The following TMEM175 variants were observed in gnomAD, a reference collection of about 807,000 sequenced individuals.
TMEM175 encodes the protein transmembrane protein 175.
A neutral mutation model predicts 36.5 loss-of-function variants in TMEM175; 36 were observed. The ratio of observed to expected loss-of-function variants is 0.99; its 90% CI spans 0.76 to 1.30. TMEM175 has a LOEUF of 1.30. Among genes scored for constraint, TMEM175 ranks in the 50% most tolerant of loss-of-function variants. TMEM175 has a pLI of 0.00. For synonymous variants in TMEM175, 339 were observed against 313.4 expected, an observed-to-expected ratio of 1.08 and a Z score of -0.86; for missense variants, 705 against 692.8, an observed-to-expected ratio of 1.02 and a Z score of -0.20.
chr4:957,970 T>A lies in TMEM175; in HGVS notation c.989T>A (p.Leu330His). 1 of 1,612,892 alleles carries A rather than the reference T, an allele frequency of 6.2e-7. No homozygotes were observed. The highest frequency in any genetic ancestry group is 8.5e-7 in the Non-Finnish European group (1 of 1,179,932). ...CTGCTGTGGTTCGCCCACCACTCAC[T>A]CTTCCTGCATGTGCGCAAGGCCACG... ...VGLLWFAHHSLFLHVRKATRA... is the reference protein window; with the variant it reads ...VGLLWFAHHSHFLHVRKATRA... The change falls in exon 11 of 11, where the codon CTC becomes CAC. Residue 330 changes from leucine (L) to histidine (H), a missense_variant. By Grantham distance (99) the Leu-to-His change is moderately conservative (BLOSUM62 -3). Transcript: ENST00000264771.
chr4:952,233 C>T (rs986309155), intron 6 of TMEM175, 134 bp from the exon 7 acceptor site: 9 of 752,716 alleles, frequency 1.2e-5, no homozygotes, highest in Admixed American at 6.9e-5. Flanking sequence ...ACCCAGCTGG[C>T]GCCATCCTGT....
chr4:941,711 C>T (rs1216740517), intron 1 of TMEM175, among the ~76,000 whole-genome samples: 2 of 152,136 alleles, frequency 1.3e-5, no homozygotes, highest in Non-Finnish European at 1.5e-5. Flanking sequence ...ACTGGGATTA[C>T]AGGAGTGAGC....
chr4:950,625 C>A lies in TMEM175; in HGVS notation c.290+107C>A, dbSNP rs561964300. On this transcript the variant is annotated intron_variant, in intron 4 of 10. Coordinates refer to ENST00000264771, the MANE Select transcript of TMEM175 (RefSeq NM_032326.4). ...GGGTCGGGGAGGACAGCAGGCTACT[C>A]CTCCCACCCTCATCCGCGTGGGGAT... 18 of 833,446 alleles carry A rather than the reference C, an allele frequency of 2.2e-5. No individual in the cohort carries two copies. In the East Asian group the frequency reaches 4.5e-4, roughly 21 times the overall value. The allele number at this position is 833,446 out of a possible 1,614,324, so 51.6% of individuals were successfully genotyped here.
chr4:950,635 T>C, intron 4 of TMEM175, 117 bp downstream of exon 4: 1 of 778,114 alleles, frequency 1.3e-6, no homozygotes, highest in Non-Finnish European at 2.2e-6. Flanking sequence ...CCTCCCACCC[T>C]CATCCGCGTG....
Position 951,207 on chromosome 4 carries a change from G to C in TMEM175, c.291G>C (p.Arg97Ser), listed in dbSNP as rs1308536787. The change falls in exon 5 of 11, where the codon AGG (arginine) becomes AGC (serine). Residue 97 changes from arginine to serine, a missense_variant and splice_region_variant. Transcript: ENST00000264771. The stretch of plus-strand genomic sequence containing the variant: ...TCTATCTTTTTCTTAAATGGTTTAG[G>C]TTGTTCCAAGTTGTTGGGAAAACAG... ...IVTVAWAAHT[R>S]LFQVVGKTDD... 1 of 1,613,928 alleles carries C rather than the reference G, an allele frequency of 6.2e-7. No homozygotes were observed. The highest frequency in any genetic ancestry group is 2.2e-5 in the East Asian group (1 of 44,898).
rs1728378836 is a variant in TMEM175, at chr4:947,865, C to T, written c.126C>T (p.Ala42=). Reference sequence around the variant, plus strand: ...AACGCATGCTCAGCTTCAGTGACGCCCTGCTGTCCATCATCGCCACCGTCA... The same window carrying T: ...AACGCATGCTCAGCTTCAGTGACGCTCTGCTGTCCATCATCGCCACCGTCA... ...CSQRMLSFSD[A]LLSIIATVMI... Residue 42 remains alanine, a synonymous_variant, in exon 2 of 11, where the codon GCC becomes GCT. Transcript: ENST00000264771. 6.2e-7 allele frequency: 1 copy of T among 1,613,698 alleles called. No homozygotes were observed. Among genetic ancestry groups the T allele is most frequent in the South Asian group, 1.1e-5 (1 of 91,082 alleles).
intron 10 of TMEM175, 100 bp from the exon 11 acceptor site, chr4:957,724 G>C (rs1212842196): frequency 8.3e-7 from 1 of 1,201,750 alleles, no homozygotes; most frequent in African/African-American, 1.5e-5. Flanking sequence ...ATCTGAAAAC[G>C]TGCCAGATCC....
chr4:942,674 C>T (rs1727669472), intron 1 of TMEM175, among the ~76,000 whole-genome samples: 1 of 148,884 alleles, frequency 6.7e-6, no homozygotes. Flanking sequence ...GAGTCTCACT[C>T]TGTCACCCAG....
Position 957,937 on chromosome 4 carries a change from C to G in TMEM175, c.956C>G (p.Thr319Arg), listed in dbSNP as rs772644645. 1.2e-6 allele frequency: 2 copies of G among 1,612,746 alleles called. No individual in the cohort carries two copies. Among genetic ancestry groups the G allele is most frequent in the African/African-American group, 2.7e-5 (2 of 74,946 alleles). The stretch of plus-strand genomic sequence containing the variant: ...CTGGCGTACTTCGGCTCCTTCGCCA[C>G]AGTGGGACTGCTGTGGTTCGCCCAC... ...RFLAYFGSFA[T>R]VGLLWFAHHS... The change falls in exon 11 of 11, where the codon ACA (threonine) becomes AGA (arginine). Residue 319 changes from threonine (T) to arginine (R), a missense_variant. Physicochemically the swap from Thr to Arg is moderately conservative, Grantham distance 71. Coordinates refer to ENST00000264771, the MANE Select transcript of TMEM175 (RefSeq NM_032326.4).
chr4:950,490 G>A lies in TMEM175; in HGVS notation c.262G>A (p.Val88Met), dbSNP rs139268051. The A allele has an allele frequency of 1.2e-4, 197 of 1,614,072 alleles. No individual in the cohort carries two copies. The African/African-American group carries it at 2.0e-3, about 16-fold the overall frequency. The stretch of plus-strand genomic sequence containing the variant: ...CGTCTACCTGATGACCTTTCTCATC[G>A]TGACAGTGGCCTGGGCAGCACACAC... ...IAVYLMTFLI[V>M]TVAWAAHTRL... The change falls in exon 4 of 11, where the codon GTG becomes ATG. Residue 88 changes from valine to methionine, a missense_variant. Transcript: ENST00000264771.
At chr4:951,291 ACT>A in intron 5 of TMEM175, 33 bp downstream of exon 5, 1 of 1,612,568 alleles carries the variant, frequency 6.2e-7, no homozygotes, top group Non-Finnish European at 8.5e-7. Flanking sequence ...CTGGGGAGTG[ACT>A]CTGGTCTGTA....
At chr4:946,232 C>T (rs1459290308) in intron 1 of TMEM175, 1 of 152,376 alleles carries the variant, frequency 6.6e-6, no homozygotes, top group East Asian at 1.9e-4. Context: ...TCCGTCACTC[C>T]TCTCCTAGGT....
chr4:945,166 G>A (rs953093975), intron 1 of TMEM175, among the ~76,000 whole-genome samples: 5 of 152,224 alleles, frequency 3.3e-5, no homozygotes, highest in Non-Finnish European at 7.3e-5. Flanking sequence ...TGTCATGGCA[G>A]TCCCAGTGAG....
In TMEM175 at chr4:957,971, C is replaced by G. The variant is rs766251387; in HGVS notation, c.990C>G (p.Leu330=). ...TGCTGTGGTTCGCCCACCACTCACT[C>G]TTCCTGCATGTGCGCAAGGCCACGC... is the stretch of plus-strand genomic sequence containing the variant. ...VGLLWFAHHS[L]FLHVRKATRA... is the part of the protein sequence containing the mutation. The change falls in exon 11 of 11, where the codon CTC becomes CTG. Residue 330 remains leucine, a synonymous_variant. Transcript: ENST00000264771. 5.2e-5 allele frequency: 84 copies of G among 1,612,804 alleles called. No individual in the cohort carries two copies. The highest frequency in any genetic ancestry group is 6.9e-5 in the Non-Finnish European group (81 of 1,179,956).
In TMEM175 at chr4:947,743, T is replaced by A. The variant is rs1383257107; in HGVS notation, c.4T>A (p.Ser2Thr). Residue 2 changes from serine to threonine, a missense_variant, in exon 2 of 11, where the codon TCC (serine) becomes ACC (threonine). Transcript: ENST00000264771. M[S>T]QPRTPEQALD... is the part of the protein sequence containing the mutation. ...ACCGCCAGGCAGCGGCCCCGCCATG[T>A]CCCAGCCCCGGACCCCAGAGCAGGC... 6.2e-7 allele frequency: 1 copy of A among 1,605,240 alleles called. No individual in the cohort carries two copies. The highest frequency in any genetic ancestry group is 8.5e-7 in the Non-Finnish European group (1 of 1,175,150).
intron 1 of TMEM175, among the ~76,000 whole-genome samples, chr4:944,676 A>G (rs1727916727): frequency 6.6e-6 from 1 of 152,218 alleles, no homozygotes; most frequent in South Asian, 2.1e-4. Context: ...TGGTTTTGCA[A>G]CTTGATTTTT....
chr4:941,046 T>TAATAAG (rs1727406303), intron 1 of TMEM175, among the ~76,000 whole-genome samples: 1 of 138,572 alleles, frequency 7.2e-6, no homozygotes. Flanking sequence ...ATAATAATAA[T>TAATAAG]AATGGGAGAA....
intron 4 of TMEM175, 78 bp from the exon 5 acceptor site, chr4:951,129 G>A (rs1577427786): frequency 2.3e-6 from 3 of 1,317,964 alleles, no homozygotes; most frequent in South Asian, 1.2e-5. Context: ...TTAACCAGAA[G>A]ATGCTGGAAA....
chr4:946,552 A>G (rs767870377), intron 1 of TMEM175, among the ~76,000 whole-genome samples: 42 of 152,184 alleles, frequency 2.8e-4, no homozygotes, highest in Non-Finnish European at 4.4e-4. Context: ...AGCACCATGC[A>G]GCAATGGCTC....
Sources: gnomAD v4.1 joint callset for allele counts (sites outside exome capture counted in the v4.1 genomes callset) on GRCh38, gnomAD v4.1.1 for gene constraint, MANE v1.5 for transcripts, NCBI Gene and HGNC (gene_info 2026-07-23, HGNC 2026-07-21) for gene names.